MARCHF1: variants seen among roughly 807,000 people sequenced by gnomAD.
MARCHF1 encodes the protein E3 ubiquitin-protein ligase MARCHF1.
Under a neutral mutation model 54.2 loss-of-function variants are expected in MARCHF1, and 40 were observed. That is an observed-to-expected ratio of 0.74 (90% CI 0.57 to 0.96). The LOEUF (loss-of-function observed/expected upper bound fraction) is 0.96, where lower values mean the gene tolerates loss of function less well. MARCHF1 is among the 40% of genes least tolerant of loss of function. The pLI is 0.00. For missense variants in MARCHF1, 586 were observed against 656.5 expected (o/e 0.89, Z 1.17); for synonymous variants, 236 against 236.3 (o/e 1.00, Z 0.01).
chr4:163,872,595 C>A lies in MARCHF1; in HGVS notation c.-38-18426G>T, dbSNP rs1391777988. 2.0e-5 allele frequency among the ~76,000 whole-genome samples: 3 copies of A among 152,070 alleles called. No homozygotes were observed. In the East Asian group the frequency reaches 5.8e-4, roughly 29 times the overall value. ...GGGTCAACTATGAGTTACCTGCATT[C>A]AAAGAGAAGTGTTTTTACCAAACCA... On this transcript the variant is annotated intron_variant, in intron 3 of 9. Transcript: ENST00000514618.
At chr4:164,130,522 A>G (rs1409777449) in intron 1 of MARCHF1, among the ~76,000 whole-genome samples, 1 of 152,158 alleles carries the variant, frequency 6.6e-6, no homozygotes, top group Non-Finnish European at 1.5e-5. Flanking sequence ...TTCATTGTGT[A>G]TAGATGACAC....
chr4:164,363,556 T>C (rs921860051), intron 1 of MARCHF1, among the ~76,000 whole-genome samples: 1 of 151,600 alleles, frequency 6.6e-6, no homozygotes, highest in African/African-American at 2.4e-5. Flanking sequence ...ACCCTACGAG[T>C]AGAAAAGCCA....
chr4:164,171,724 C>G (rs1730530529), intron 1 of MARCHF1, among the ~76,000 whole-genome samples: 5 of 152,090 alleles, frequency 3.3e-5, no homozygotes, highest in Non-Finnish European at 1.5e-5. Context: ...AGTATACTGA[C>G]TTTTTCTGTC....
At chr4:163,576,272 T>C (rs148342050) in intron 8 of MARCHF1, among the ~76,000 whole-genome samples, 1 of 152,266 alleles carries the variant, frequency 6.6e-6, no homozygotes, top group Non-Finnish European at 1.5e-5. Context: ...GAACTTTTGA[T>C]TTCTGCCTTA....
In MARCHF1 at chr4:163,670,388, G is replaced by GTCTATCTATCTATCTA. The variant is rs74831110; in HGVS notation, c.162+30409_162+30424dup. 3.9e-3 allele frequency among the ~76,000 whole-genome samples: 590 copies of GTCTATCTATCTATCTA among 150,110 alleles called. 2 individuals are homozygous for GTCTATCTATCTATCTA. The highest frequency in any genetic ancestry group is 0.013 in the East Asian group (68 of 5,084). On this transcript the variant is annotated intron_variant, in intron 5 of 9. Transcript: ENST00000514618. Reference sequence around the variant, plus strand: ...TATCTATCTATCTATCTATCTGTCTGTCTATCTATCTATCTATCTATCTAT... The same window carrying GTCTATCTATCTATCTA: ...TATCTATCTATCTATCTATCTGTCTGTCTATCTATCTATCTATCTATCTATCTATCTATCTATCTAT...
chr4:163,545,824 A>C, intron 8 of MARCHF1, 81 bp from the exon 9 acceptor site: 1 of 1,208,792 alleles, frequency 8.3e-7, no homozygotes, highest in Non-Finnish European at 1.2e-6. Flanking sequence ...GACACAGATC[A>C]TGAATGGAAG....
intron 1 of MARCHF1, among the ~76,000 whole-genome samples, chr4:164,271,006 G>C (rs940711652): frequency 8.5e-5 from 13 of 152,068 alleles, no homozygotes; most frequent in African/African-American, 3.1e-4. Flanking sequence ...TAATTCATGA[G>C]TAGAAAAATA....
intron 5 of MARCHF1, among the ~76,000 whole-genome samples, chr4:163,674,774 G>A (rs1465626659): frequency 6.6e-6 from 1 of 152,180 alleles, no homozygotes; most frequent in Admixed American, 6.5e-5. Flanking sequence ...GTATATTTGT[G>A]CTTAGGCAGG....
chr4:163,660,826 C>T (rs1467099864), intron 5 of MARCHF1, among the ~76,000 whole-genome samples: 1 of 151,832 alleles, frequency 6.6e-6, no homozygotes. Context: ...TTAAAGAATC[C>T]AAATTCAAAA....
At chr4:163,939,889 G>T (rs1751875838) in intron 3 of MARCHF1, among the ~76,000 whole-genome samples, 1 of 152,116 alleles carries the variant, frequency 6.6e-6, no homozygotes, top group Admixed American at 6.6e-5. Flanking sequence ...AGAATAGAAA[G>T]GTGTTATAGG....
intron 1 of MARCHF1, among the ~76,000 whole-genome samples, chr4:164,210,182 G>C (rs977717684): frequency 6.6e-6 from 1 of 152,278 alleles, no homozygotes. Flanking sequence ...TGATTAAACT[G>C]ATTGATAAGA....
chr4:163,580,235 C>A (rs1267106778), intron 8 of MARCHF1, among the ~76,000 whole-genome samples: 2 of 151,992 alleles, frequency 1.3e-5, no homozygotes, highest in African/African-American at 4.8e-5. Context: ...CTCACCACCA[C>A]ACCCAGGTAA....
chr4:164,185,495 G>A (rs1730945229), intron 1 of MARCHF1, among the ~76,000 whole-genome samples: 1 of 152,024 alleles, frequency 6.6e-6, no homozygotes. Context: ...TTATTATAAA[G>A]TAATATATAC....
At chr4:163,974,824 G>T (rs1752617050) in intron 3 of MARCHF1, among the ~76,000 whole-genome samples, 1 of 152,100 alleles carries the variant, frequency 6.6e-6, no homozygotes, top group South Asian at 2.1e-4. Flanking sequence ...GTTATTCTGG[G>T]TGTGTCTGTG....
At chr4:164,305,213 G>A (rs1734666185) in intron 1 of MARCHF1, among the ~76,000 whole-genome samples, 1 of 152,038 alleles carries the variant, frequency 6.6e-6, no homozygotes, top group African/African-American at 2.4e-5. Flanking sequence ...CATCCTAGTT[G>A]TAAAGACAAA....
At chr4:163,672,924 T>A (rs1743785403) in intron 5 of MARCHF1, among the ~76,000 whole-genome samples, 1 of 152,194 alleles carries the variant, frequency 6.6e-6, no homozygotes, top group Non-Finnish European at 1.5e-5. Context: ...ACTTTGACGC[T>A]CTGGTCTCCC....
chr4:163,813,482 C>T (rs1228810720), intron 4 of MARCHF1, among the ~76,000 whole-genome samples: 1 of 152,094 alleles, frequency 6.6e-6, no homozygotes, highest in Non-Finnish European at 1.5e-5. Flanking sequence ...AACCAGAATG[C>T]TATATTAGAA....
chr4:164,199,681 C>CACACAGAGAGAGAGAGAG (rs1462208986), intron 1 of MARCHF1, among the ~76,000 whole-genome samples: 11 of 47,660 alleles, frequency 2.3e-4, no homozygotes, highest in African/African-American at 9.3e-4. Context: ...CACACACACA[C>CACACAGAGAGAGAGAGAG]AGAGAGAGAG....
chr4:164,370,656 C>T (rs997164675), intron 1 of MARCHF1, among the ~76,000 whole-genome samples: 1 of 152,194 alleles, frequency 6.6e-6, no homozygotes, highest in African/African-American at 2.4e-5. Context: ...TGCCTGTAAT[C>T]CCAGCACTTT....
Sources: allele counts gnomAD v4.1 joint callset (sites outside exome capture counted in the v4.1 genomes callset), GRCh38; gene constraint gnomAD v4.1.1; transcripts MANE v1.5; gene names NCBI Gene and HGNC (gene_info 2026-07-23, HGNC 2026-07-21).